Variants in C11orf65 observed in about 807,000 individuals in gnomAD.
C11orf65 encodes the protein protein MFI.
Under a neutral mutation model 35.3 loss-of-function variants are expected in C11orf65, and 38 were observed. The observed-to-expected ratio is 1.08, with a 90% CI of 0.83 to 1.41. The LOEUF is 1.41. C11orf65 is among the 40% of genes most tolerant of loss of function. C11orf65 has a pLI of 0.00. For synonymous variants in C11orf65, 105 were observed against 114.4 expected (o/e 0.92, Z 0.53); for missense variants, 370 against 367.1 (o/e 1.01, Z -0.06).
At chr11:108,364,267 T>C (rs990096077) in intron 2 of C11orf65, among the ~76,000 whole-genome samples, 1 of 152,208 alleles carries the variant, frequency 6.6e-6, no homozygotes, top group African/African-American at 2.4e-5. Context: ...AATCATTCTT[T>C]ATATTGTCTC....
At chr11:108,348,463 T>A (rs1371653078) in intron 2 of C11orf65, among the ~76,000 whole-genome samples, 1 of 151,352 alleles carries the variant, frequency 6.6e-6, no homozygotes. Context: ...CTAAGAAATA[T>A]ATCAAGTTTT....
intron 2 of C11orf65, among the ~76,000 whole-genome samples, chr11:108,373,583 C>A (rs1247296563): frequency 1.3e-5 from 2 of 152,184 alleles, no homozygotes; most frequent in Non-Finnish European, 2.9e-5. Context: ...GTCTACAGCT[C>A]CCAGTGTGAG....
intron 6 of C11orf65, among the ~76,000 whole-genome samples, chr11:108,403,417 T>TTG (rs1266000409): frequency 6.9e-6 from 1 of 145,542 alleles, no homozygotes; most frequent in African/African-American, 2.6e-5. Flanking sequence ...AGGTTTTTTT[T>TTG]TTGTTTTTTT....
chr11:108,457,915 G>C (rs187778751), intron 2 of C11orf65, among the ~76,000 whole-genome samples: 1 of 152,042 alleles, frequency 6.6e-6, no homozygotes, highest in African/African-American at 2.4e-5. Context: ...GAATCAAGAT[G>C]CTGTGTCTAG....
intron 2 of C11orf65, among the ~76,000 whole-genome samples, chr11:108,443,633 T>G (rs1474080209): frequency 1.3e-5 from 2 of 152,046 alleles, no homozygotes; most frequent in Non-Finnish European, 2.9e-5. Flanking sequence ...CAGACCACAG[T>G]GACATCAAAC....
At position 108,376,003 on chromosome 11, in the gene C11orf65, A is replaced by C. The variant is rs535860361; in HGVS notation, c.226+17205T>G. 4.2e-4 allele frequency among the ~76,000 whole-genome samples: 64 copies of C among 152,344 alleles called. 1 individual carries two copies. In the East Asian group the frequency reaches 0.012, roughly 29 times the overall value. Reference sequence around the variant, plus strand: ...TCATAAAGCAAGTCCTGAGTGACCTACAAAGAGACTTAGACTCCCACACAA... The same window carrying C: ...TCATAAAGCAAGTCCTGAGTGACCTCCAAAGAGACTTAGACTCCCACACAA... On this transcript the variant is annotated intron_variant, in intron 2 of 3. Coordinates refer to the C11orf65 transcript ENST00000524755.
intron 2 of C11orf65, among the ~76,000 whole-genome samples, chr11:108,338,481 C>A (rs1300394000): frequency 1.3e-5 from 2 of 152,136 alleles, no homozygotes; most frequent in Non-Finnish European, 2.9e-5. Context: ...ACAGCAAGAC[C>A]TCATCTCTAC....
At chr11:108,441,964 G>T (rs1398097407) in intron 2 of C11orf65, among the ~76,000 whole-genome samples, 1 of 152,186 alleles carries the variant, frequency 6.6e-6, no homozygotes, top group Non-Finnish European at 1.5e-5. Flanking sequence ...AAAGCTGGAT[G>T]GAAAATGACT....
Position 108,393,339 on chromosome 11 carries a change from A to C in C11orf65, c.600T>G (p.His200Gln). 6.2e-7 allele frequency: 1 copy of C among 1,614,096 alleles called. No individual in the cohort carries two copies. Among genetic ancestry groups the C allele is most frequent in the Non-Finnish European group, 8.5e-7 (1 of 1,179,986 alleles). The change falls in exon 7 of 9, where the codon CAT becomes CAG. Residue 200 changes from histidine to glutamine, a missense_variant. His to Gln is a conservative substitution (Grantham distance 24). Transcript: ENST00000393084. ...CAGTGTGAATTAGTCCTAGAGTTTC[A>C]TGATGTGTTGACTTAGCCTCCAGAC... ...SGSLEAKSTHHETLGLIHTAT... is the reference protein window; with the variant it reads ...SGSLEAKSTHQETLGLIHTAT...
At chr11:108,331,075 G>T, downstream of C11orf65, 1 of 715,842 alleles carries the variant, frequency 1.4e-6, no homozygotes, top group Non-Finnish European at 1.8e-6. Context: ...ATTACTTTTG[G>T]CCTATGGGGA....
intron 2 of C11orf65, among the ~76,000 whole-genome samples, chr11:108,437,094 C>CAAAA (rs34835160): frequency 1.1e-4 from 8 of 72,352 alleles, no homozygotes; most frequent in African/African-American, 2.1e-4. Context: ...CCCATTACGA[C>CAAAA]AAAAAAAAAA....
downstream of C11orf65, chr11:108,330,105 CT>C: frequency 8.0e-7 from 1 of 1,249,200 alleles, no homozygotes; most frequent in Non-Finnish European, 1.1e-6. Flanking sequence ...GCTTTTTTCC[CT>C]GGGATAAAAA....
intron 3 of C11orf65, among the ~76,000 whole-genome samples, chr11:108,425,369 C>T (rs986845246): frequency 6.6e-6 from 1 of 152,134 alleles, no homozygotes; most frequent in East Asian, 1.9e-4. Context: ...ACTATACACA[C>T]CTCTATGCAA....
At chr11:108,461,867 T>C (rs767968720) in intron 1 of C11orf65, among the ~76,000 whole-genome samples, 9 of 151,970 alleles carry the variant, frequency 5.9e-5, no homozygotes, top group African/African-American at 1.2e-4. Context: ...AAACACCTTC[T>C]GGCTTGGCCT....
downstream of C11orf65, among the ~76,000 whole-genome samples, chr11:108,381,923 G>A (rs755526415): frequency 5.2e-5 from 7 of 134,078 alleles, no homozygotes; most frequent in African/African-American, 1.3e-4. Flanking sequence ...AAGGCATTGC[G>A]GCTTCCTCCT....
intron 5 of C11orf65, among the ~76,000 whole-genome samples, chr11:108,406,339 T>G (rs2092540402): frequency 6.6e-6 from 1 of 152,198 alleles, no homozygotes. Context: ...TGTTAGTTTG[T>G]TTTTTGAGAC....
intron 2 of C11orf65, among the ~76,000 whole-genome samples, chr11:108,440,561 G>A (rs1252359975): frequency 6.6e-6 from 1 of 152,188 alleles, no homozygotes; most frequent in East Asian, 1.9e-4. Context: ...TAAGTGGGCT[G>A]TAATATCTGT....
chr11:108,402,212 A>G (rs2092451759), intron 6 of C11orf65, among the ~76,000 whole-genome samples: 1 of 152,208 alleles, frequency 6.6e-6, no homozygotes, highest in Admixed American at 6.5e-5. Context: ...GTGCCAGTGC[A>G]GTCACTGAAA....
At chr11:108,426,724 G>A (rs549323592) in intron 3 of C11orf65, among the ~76,000 whole-genome samples, 1 of 151,892 alleles carries the variant, frequency 6.6e-6, no homozygotes, top group South Asian at 2.1e-4. Context: ...AAAGTTGGAG[G>A]CATCATGCTA....
Sources: allele counts gnomAD v4.1 joint callset (sites outside exome capture counted in the v4.1 genomes callset), GRCh38; gene constraint gnomAD v4.1.1; transcripts MANE v1.5; gene names NCBI Gene and HGNC (gene_info 2026-07-23, HGNC 2026-07-21).